SHANK2: variants seen among roughly 807,000 people sequenced by gnomAD.
SHANK2 encodes the protein SH3 and multiple ankyrin repeat domains 2.
Under a neutral mutation model 133.7 loss-of-function variants are expected in SHANK2, and 43 were observed. That is an observed-to-expected ratio of 0.32 (90% CI 0.25 to 0.41). SHANK2 has a LOEUF of 0.41. Among genes scored for constraint, SHANK2 ranks in the 10% least tolerant of loss-of-function variants. The pLI is 1.00. For synonymous variants in SHANK2, 1,017 were observed against 952.8 expected (o/e 1.07, Z -1.24); for missense variants, 1,994 against 2,235.8 (o/e 0.89, Z 2.18).
At chr11:70,734,668 C>G (rs546884581) in intron 14 of SHANK2, among the ~76,000 whole-genome samples, 319 of 152,346 alleles carry the variant, frequency 2.1e-3, no homozygotes, top group Non-Finnish European at 3.6e-3. Flanking sequence ...CTGGCCCAGG[C>G]TTTCAGCAGG....
intron 11 of SHANK2, among the ~76,000 whole-genome samples, chr11:70,895,802 G>A (rs1949925185): frequency 6.6e-6 from 1 of 152,034 alleles, no homozygotes; most frequent in Admixed American, 6.6e-5. Context: ...TTGATGCTTA[G>A]CACATTCTCC....
At chr11:71,107,189 C>T (rs1260166960) in intron 6 of SHANK2, among the ~76,000 whole-genome samples, 1 of 152,170 alleles carries the variant, frequency 6.6e-6, no homozygotes, top group African/African-American at 2.4e-5. Flanking sequence ...AACCCCCAAC[C>T]TCTATGCGTG....
chr11:70,716,528 G>A (rs1212669245), intron 14 of SHANK2, among the ~76,000 whole-genome samples: 4 of 152,136 alleles, frequency 2.6e-5, no homozygotes, highest in Admixed American at 1.3e-4. Flanking sequence ...TTGGCCAACC[G>A]AAGTTCTTGG....
intron 17 of SHANK2, chr11:70,631,147 C>T (rs2060979721): frequency 6.6e-6 from 1 of 152,296 alleles, no homozygotes; most frequent in African/African-American, 2.4e-5. Context: ...CGCGAACTCC[C>T]ACCCCAGCAA....
intron 3 of SHANK2, among the ~76,000 whole-genome samples, chr11:71,146,889 G>T (rs1952659903): frequency 1.3e-5 from 2 of 152,172 alleles, no homozygotes; most frequent in South Asian, 4.1e-4. Flanking sequence ...GGATGGAGTT[G>T]GGGACAATGA....
chr11:70,684,816 G>A (rs922475722), intron 15 of SHANK2, among the ~76,000 whole-genome samples: 4 of 151,996 alleles, frequency 2.6e-5, no homozygotes, highest in East Asian at 1.9e-4. Flanking sequence ...CTGTCTGACC[G>A]GCTGCAGCCC....
intron 17 of SHANK2, among the ~76,000 whole-genome samples, chr11:70,586,828 C>A (rs538636081): frequency 1.3e-5 from 2 of 152,194 alleles, no homozygotes; most frequent in Non-Finnish European, 1.5e-5. Flanking sequence ...CCTCACCCCC[C>A]CAGAGTGGGC....
At chr11:70,571,663 G>A (rs1315098390) in intron 17 of SHANK2, among the ~76,000 whole-genome samples, 1 of 152,102 alleles carries the variant, frequency 6.6e-6, no homozygotes, top group Non-Finnish European at 1.5e-5. Context: ...AGGGGATCCA[G>A]GTGTCTGTGC....
intron 2 of SHANK2, among the ~76,000 whole-genome samples, chr11:71,207,990 G>A (rs59417145): frequency 0.034 from 5,132 of 152,100 alleles, 257 homozygotes; most frequent in Admixed American, 0.15. Context: ...ATTGGTGTCC[G>A]AGAGGTATAC....
chr11:71,055,902 A>G, intron 10 of SHANK2, among the ~76,000 whole-genome samples: 1 of 151,428 alleles, frequency 6.6e-6, no homozygotes, highest in African/African-American at 2.4e-5. Flanking sequence ...AGCATCATGA[A>G]TATTCTTAAT....
At chr11:70,760,167 T>A (rs1156266702) in intron 14 of SHANK2, among the ~76,000 whole-genome samples, 2 of 152,232 alleles carry the variant, frequency 1.3e-5, no homozygotes, top group Non-Finnish European at 2.9e-5. Context: ...GTGTGCTCAG[T>A]GCACATGTCA....
chr11:71,090,968 A>G (rs1951508409), intron 8 of SHANK2, among the ~76,000 whole-genome samples: 1 of 151,270 alleles, frequency 6.6e-6, no homozygotes, highest in Non-Finnish European at 1.5e-5. Context: ...GCTTAACTCA[A>G]AGTCCACTGA....
chr11:70,552,375 A>T (rs1159186092), intron 17 of SHANK2, among the ~76,000 whole-genome samples: 1 of 152,194 alleles, frequency 6.6e-6, no homozygotes, highest in African/African-American at 2.4e-5. Flanking sequence ...ACACTCGTGC[A>T]CCAAGCTCAG....
At chr11:70,710,548 T>A (rs1555025874) in intron 14 of SHANK2, among the ~76,000 whole-genome samples, 1 of 152,118 alleles carries the variant, frequency 6.6e-6, no homozygotes, top group Non-Finnish European at 1.5e-5. Flanking sequence ...GGGTTGATGG[T>A]GAAAGGGGGA....
At chr11:70,643,653 T>C (rs187455696) in intron 17 of SHANK2, among the ~76,000 whole-genome samples, 34 of 152,224 alleles carry the variant, frequency 2.2e-4, no homozygotes, top group Admixed American at 3.9e-4. Flanking sequence ...GATGGTGTCT[T>C]GGGAATCACG....
chr11:71,072,187 G>A (rs1368453684), intron 9 of SHANK2, among the ~76,000 whole-genome samples: 5 of 150,784 alleles, frequency 3.3e-5, no homozygotes, highest in Non-Finnish European at 5.9e-5. Context: ...CCCCACCTAT[G>A]CCCCCGTGAG....
chr11:70,637,701 A>G (rs1009781276), intron 17 of SHANK2, among the ~76,000 whole-genome samples: 2 of 152,234 alleles, frequency 1.3e-5, no homozygotes, highest in Non-Finnish European at 2.9e-5. Flanking sequence ...TGGCTGCTCC[A>G]GACCCTCGAA....
chr11:70,790,447 A>ACAGACATT (rs1277604858), intron 14 of SHANK2, among the ~76,000 whole-genome samples: 1 of 152,232 alleles, frequency 6.6e-6, no homozygotes, highest in African/African-American at 2.4e-5. Flanking sequence ...GTTAACATTT[A>ACAGACATT]CAGTCTGTTG....
intron 14 of SHANK2, among the ~76,000 whole-genome samples, chr11:70,728,364 T>C (rs955387530): frequency 1.3e-5 from 2 of 152,232 alleles, no homozygotes; most frequent in Non-Finnish European, 2.9e-5. Context: ...GCACCGTGAC[T>C]TGGGAGTGGT....
Sources: gnomAD v4.1 joint callset for allele counts (sites outside exome capture counted in the v4.1 genomes callset) on GRCh38, gnomAD v4.1.1 for gene constraint, MANE v1.5 for transcripts, NCBI Gene and HGNC (gene_info 2026-07-23, HGNC 2026-07-21) for gene names.